The following KLHL8 variants were observed in gnomAD, a reference collection of about 807,000 sequenced individuals.
KLHL8 encodes kelch like family member 8, also known as kelch-like protein 8.
In KLHL8, 38 loss-of-function variants were observed where a neutral mutation model predicts 63.5. That is an observed-to-expected ratio of 0.60 (90% CI 0.46 to 0.78). The LOEUF (loss-of-function observed/expected upper bound fraction) is 0.78, where lower values mean the gene tolerates loss of function less well. Ranked by LOEUF, KLHL8 falls within the 30% of genes least tolerant of loss-of-function variation. KLHL8 has a pLI of 0.00. For synonymous variants in KLHL8, 224 were observed against 254.3 expected, an observed-to-expected ratio of 0.88 and a Z score of 1.13; for missense variants, 566 against 752.4, an observed-to-expected ratio of 0.75 and a Z score of 2.90.
At chr4:87,218,903 T>C (rs554001045) in intron 1 of KLHL8, among the ~76,000 whole-genome samples, 1 of 152,114 alleles carries the variant, frequency 6.6e-6, no homozygotes, top group Non-Finnish European at 1.5e-5. Context: ...CTCAGCTAAT[T>C]TTTGTTATTT....
Position 87,178,606 on chromosome 4 carries a change from C to T in KLHL8, c.967G>A (p.Val323Ile), listed in dbSNP as rs1730927061. Reference protein sequence around the residue: ...RKHTAGVLFCVGGRGGSGDPF... With the variant: ...RKHTAGVLFCIGGRGGSGDPF... Reference sequence around the variant, plus strand: ...TCACCAGATCCACCTCGACCACCTACACAAAACAGCACACCTAAAGGTAAA... The same window carrying T: ...TCACCAGATCCACCTCGACCACCTATACAAAACAGCACACCTAAAGGTAAA... The change falls in exon 5 of 10, where the codon GTA becomes ATA. Residue 323 changes from valine (V) to isoleucine (I), a missense_variant. Physicochemically the swap from Val to Ile is conservative, Grantham distance 29. Coordinates refer to ENST00000273963, the MANE Select transcript of KLHL8 (RefSeq NM_020803.5). 11 of 1,589,888 alleles carry T rather than the reference C, an allele frequency of 6.9e-6. No homozygotes were observed. The highest frequency in any genetic ancestry group is 2.3e-5 in the East Asian group (1 of 43,710).
At chr4:87,195,124 T>C (rs2110013234) in intron 2 of KLHL8, among the ~76,000 whole-genome samples, 200 bp downstream of exon 2, 1 of 152,322 alleles carries the variant, frequency 6.6e-6, no homozygotes, top group South Asian at 2.1e-4. Context: ...ATTAGTACAA[T>C]AATTTTATCT....
chr4:87,238,691 A>G (rs1578414953), intron 1 of KLHL8, among the ~76,000 whole-genome samples: 1 of 152,326 alleles, frequency 6.6e-6, no homozygotes, highest in East Asian at 1.9e-4. Flanking sequence ...AGAAAAGTAA[A>G]GTTATCATTG....
intron 1 of KLHL8, among the ~76,000 whole-genome samples, chr4:87,211,076 C>A (rs888765548): frequency 3.9e-5 from 6 of 152,150 alleles, no homozygotes; most frequent in African/African-American, 1.4e-4. Context: ...GCTATTACTC[C>A]CATGTTCAGT....
At chr4:87,229,403 C>A (rs996873366) in intron 1 of KLHL8, among the ~76,000 whole-genome samples, 1 of 149,568 alleles carries the variant, frequency 6.7e-6, no homozygotes, top group Non-Finnish European at 1.5e-5. Context: ...GTCCTCAAAT[C>A]TGGAATATCT....
chr4:87,226,759 TTA>T (rs1326857571), intron 1 of KLHL8, among the ~76,000 whole-genome samples: 1 of 5,884 alleles, frequency 1.7e-4, no homozygotes, highest in African/African-American at 8.2e-4. Context: ...TATATATTAT[TTA>T]TATATAATAT....
At chr4:87,200,500 G>A (rs926708352) in intron 1 of KLHL8, among the ~76,000 whole-genome samples, 2 of 152,140 alleles carry the variant, frequency 1.3e-5, no homozygotes, top group Non-Finnish European at 2.9e-5. Flanking sequence ...ATGTTTGGTT[G>A]AATCTGGGGA....
chr4:87,182,228 CAA>C (rs34458758), intron 4 of KLHL8, among the ~76,000 whole-genome samples: 11 of 67,724 alleles, frequency 1.6e-4, no homozygotes, highest in African/African-American at 4.8e-4. Flanking sequence ...GACTCCGTCT[CAA>C]AAAAAAAAAA....
At chr4:87,167,525 A>G in intron 8 of KLHL8, 1 of 542,982 alleles carries the variant, frequency 1.8e-6, no homozygotes, top group South Asian at 1.4e-5. Context: ...TGTCCTGGCT[A>G]AATCAGAACT....
At position 87,179,103 on chromosome 4, in the gene KLHL8, T is replaced by C. The variant is rs985403230; in HGVS notation, c.953-483A>G. 9.9e-5 allele frequency among the ~76,000 whole-genome samples: 15 copies of C among 152,212 alleles called. 1 individual carries two copies. Among genetic ancestry groups the C allele is most frequent in the Admixed American group, 8.5e-4 (13 of 15,280 alleles). On this transcript the variant is annotated intron_variant, in intron 4 of 9. Coordinates refer to ENST00000273963, the MANE Select transcript of KLHL8 (RefSeq NM_020803.5). ...CTCACACAGGAAAAGTTCATCCCTTTGTTTTAGATTCCATCTATATCATAA... is the reference window on the plus strand; with the variant it reads ...CTCACACAGGAAAAGTTCATCCCTTCGTTTTAGATTCCATCTATATCATAA...
At chr4:87,204,210 T>C (rs565218340) in intron 1 of KLHL8, among the ~76,000 whole-genome samples, 12 of 152,206 alleles carry the variant, frequency 7.9e-5, no homozygotes, top group Non-Finnish European at 1.3e-4. Context: ...CTAAGCAACA[T>C]AGCCCCTGCC....
intron 1 of KLHL8, chr4:87,207,798 C>T: frequency 1.0e-6 from 1 of 957,146 alleles, no homozygotes; most frequent in Non-Finnish European, 1.7e-6. Flanking sequence ...TCACCACTGC[C>T]AAGGTGTCGG....
At chr4:87,170,363 T>G in intron 7 of KLHL8, 84 bp downstream of exon 7, 1 of 1,423,022 alleles carries the variant, frequency 7.0e-7, no homozygotes, top group South Asian at 1.3e-5. Context: ...ATCTTCATAC[T>G]GGTGATGATA....
At chr4:87,209,855 T>G (rs572155568) in intron 1 of KLHL8, among the ~76,000 whole-genome samples, 24 of 142,010 alleles carry the variant, frequency 1.7e-4, no homozygotes, top group Non-Finnish European at 2.1e-4. Flanking sequence ...TGGGTTTTTT[T>G]TTTTTTTTTT....
chr4:87,212,134 T>C (rs768853182), intron 1 of KLHL8, among the ~76,000 whole-genome samples: 66 of 152,322 alleles, frequency 4.3e-4, no homozygotes, highest in Non-Finnish European at 9.1e-4. Flanking sequence ...TTGGTAGGGC[T>C]GTCAGGAAAT....
rs1231534247 is a variant in KLHL8 at position 87,226,692 on chromosome 4, ATAT to A, written n.58-5305_58-5303del. On this transcript the variant is annotated intron_variant and non_coding_transcript_variant, in intron 1 of 1. Coordinates refer to the KLHL8 transcript ENST00000506274. Reference sequence around the variant, plus strand: ...TATATATTATTTATATATAATATATATATTATTTATATATAATATATATTATTT... The same window carrying A: ...TATATATTATTTATATATAATATATATATTTATATATAATATATATTATTT... Among the ~76,000 whole-genome samples, 3 of 19,278 alleles carry A rather than the reference ATAT, an allele frequency of 1.6e-4. 1 individual carries two copies. The highest frequency in any genetic ancestry group is 2.8e-4 in the Non-Finnish European group (3 of 10,848). The allele number at this position is 19,278 out of a possible 152,430, so 12.6% of individuals were successfully genotyped here.
chr4:87,182,375 A>G (rs1011743837), intron 4 of KLHL8, among the ~76,000 whole-genome samples: 2 of 152,024 alleles, frequency 1.3e-5, no homozygotes, highest in African/African-American at 4.8e-5. Context: ...TATTACCTAG[A>G]TAAAATCTCA....
At chr4:87,184,404 ATTC>A (rs1423432087) in intron 3 of KLHL8, among the ~76,000 whole-genome samples, 5 of 152,222 alleles carry the variant, frequency 3.3e-5, no homozygotes, top group African/African-American at 9.6e-5. Flanking sequence ...AAGCACTTTC[ATTC>A]TTCTTCATTC....
chr4:87,220,363 G>A (rs1242589435), intron 1 of KLHL8, 55 bp downstream of exon 1: 2 of 152,632 alleles, frequency 1.3e-5, no homozygotes, highest in Admixed American at 6.5e-5. Flanking sequence ...CCGCACAAAG[G>A]AAGAGGGGAC....
Sources: gnomAD v4.1 joint callset for allele counts (sites outside exome capture counted in the v4.1 genomes callset) on GRCh38, gnomAD v4.1.1 for gene constraint, MANE v1.5 for transcripts, NCBI Gene and HGNC (gene_info 2026-07-23, HGNC 2026-07-21) for gene names.